The following RUFY4 variants were observed in gnomAD, a reference collection of about 807,000 sequenced individuals.
The protein encoded by RUFY4 is RUN and FYVE domain containing 4, also known as RUN and FYVE domain-containing protein 4.
Under a neutral mutation model 69.0 loss-of-function variants are expected in RUFY4, and 73 were observed. The observed-to-expected ratio is 1.06, with a 90% confidence interval of 0.88 to 1.29. RUFY4 has a LOEUF of 1.29. Among genes scored for constraint, RUFY4 ranks in the 50% most tolerant of loss-of-function variants. The probability of loss-of-function intolerance (pLI) is 0.00; values close to 1 mark genes in which losing one functional copy is unlikely to be tolerated. For missense variants in RUFY4, 770 were observed against 705.6 expected, an observed-to-expected ratio of 1.09 and a Z score of -1.03; for synonymous variants, 287 against 271.8, an observed-to-expected ratio of 1.06 and a Z score of -0.55.
chr2:218,089,714 A>C lies in RUFY4; in HGVS notation c.1614-238A>C, dbSNP rs1265779261. 7.1e-6 allele frequency: 5 copies of C among 703,610 alleles called. No homozygotes were observed. The African/African-American group carries it at 8.7e-5, about 12-fold the overall frequency. 43.6% of individuals were successfully genotyped at this position (703,610 alleles called of 1,614,324 possible). ...CTAGGACCAGCCTTGGGAGAGAGGA[A>C]AGTGAGCCACCAGGAGAAGCTGCCA... is the stretch of plus-strand genomic sequence containing the variant. On this transcript the variant is annotated intron_variant, in intron 10 of 10. Coordinates refer to ENST00000344321, the Ensembl canonical transcript of RUFY4.
intron 6 of RUFY4, among the ~76,000 whole-genome samples, chr2:218,074,747 A>G (rs1434572778): frequency 2.0e-5 from 3 of 152,110 alleles, no homozygotes; most frequent in African/African-American, 7.2e-5. Context: ...AAACTGAAAC[A>G]TGACATGTAG....
intron 2 of RUFY4, among the ~76,000 whole-genome samples, chr2:218,037,759 G>A (rs1418228755): frequency 6.6e-6 from 1 of 152,164 alleles, no homozygotes; most frequent in Non-Finnish European, 1.5e-5. Flanking sequence ...CTGTTATAAA[G>A]AGAACCGATT....
intron 9 of RUFY4, among the ~76,000 whole-genome samples, chr2:218,083,727 G>A (rs1431306688): frequency 4.0e-5 from 6 of 151,144 alleles, no homozygotes; most frequent in African/African-American, 7.3e-5. Context: ...CAGCCTGGGC[G>A]ACAGAGTGAG....
At chr2:218,073,919 C>T (rs1689558736) in intron 6 of RUFY4, 34 bp downstream of exon 8, 2 of 1,604,056 alleles carry the variant, frequency 1.2e-6, no homozygotes, top group East Asian at 2.2e-5. Context: ...TGAGTTGCCT[C>T]TTCCCCATCT....
chr2:218,078,744 C>T (rs533987234), intron 8 of RUFY4, among the ~76,000 whole-genome samples: 3 of 152,198 alleles, frequency 2.0e-5, no homozygotes, highest in African/African-American at 7.2e-5. Flanking sequence ...AAAGAGAAAC[C>T]CTGTACCCAT....
At chr2:218,081,020 C>A (rs145098356) in intron 8 of RUFY4, among the ~76,000 whole-genome samples, 2,188 of 152,266 alleles carry the variant, frequency 0.014, 18 homozygotes, top group South Asian at 0.047. Flanking sequence ...ATGAATGGGG[C>A]TATAAAACAC....
At chr2:218,071,345 C>A (rs1158454648) in intron 2 of RUFY4, among the ~76,000 whole-genome samples, 1 of 152,168 alleles carries the variant, frequency 6.6e-6, no homozygotes, top group Non-Finnish European at 1.5e-5. Flanking sequence ...GCCACCCTGC[C>A]ACTCATCTAC....
At chr2:218,062,499 G>C (rs993384256) in intron 3 of RUFY4, among the ~76,000 whole-genome samples, 1 of 151,742 alleles carries the variant, frequency 6.6e-6, no homozygotes, top group African/African-American at 2.4e-5. Flanking sequence ...GATTGCCTGA[G>C]CAGGAGTTCG....
exon 1 of RUFY4, chr2:218,070,610 C>T (rs1689463354): frequency 7.2e-6 from 11 of 1,537,534 alleles, no homozygotes; most frequent in Admixed American, 5.9e-5. Context: ...GTACCCATGG[C>T]AGAAGAGGGA....
At chr2:218,067,137 G>A (rs921271909), upstream of RUFY4, among the ~76,000 whole-genome samples, 19 of 152,294 alleles carry the variant, frequency 1.2e-4, no homozygotes, top group South Asian at 2.1e-4. Context: ...CTCCGCATCC[G>A]GTCCTTTCTC....
chr2:218,072,962 C>A, intron 4 of RUFY4, 77 bp downstream of exon 6: 1 of 1,197,056 alleles, frequency 8.4e-7, no homozygotes, highest in Non-Finnish European at 1.1e-6. Flanking sequence ...CCTCCTTTAA[C>A]CCCCACAGAT....
intron 3 of RUFY4, among the ~76,000 whole-genome samples, chr2:218,062,317 A>G (rs1396665287): frequency 6.6e-6 from 1 of 150,968 alleles, no homozygotes; most frequent in African/African-American, 2.4e-5. Flanking sequence ...GAGACAGGAG[A>G]ATGGCGTGAA....
rs559242405 is a variant in RUFY4 at position 218,089,155 on chromosome 2, G to A, written c.1503-97G>A. On this transcript the variant is annotated intron_variant, in intron 9 of 10. Coordinates refer to ENST00000344321, the Ensembl canonical transcript of RUFY4. ...TCTCTCTTCCTCTCTGTGTGATTCC[G>A]TCTGTTCCTCTCTGTCTCTCTGTCT... The A allele has an allele frequency of 4.1e-5, 37 of 903,324 alleles. No individual in the cohort carries two copies. The African/African-American group carries it at 4.2e-4, about 10-fold the overall frequency. The allele number at this position is 903,324 out of a possible 1,614,324, so 56.0% of individuals were successfully genotyped here. A position where few individuals can be genotyped will look rare whatever the true frequency, so the allele number is the denominator to read the frequency against.
At chr2:218,068,110 C>T (rs1383292879), upstream of RUFY4, among the ~76,000 whole-genome samples, 1 of 122,406 alleles carries the variant, frequency 8.2e-6, no homozygotes. Context: ...TGGAGGACAG[C>T]AGGGGACTGG....
chr2:218,036,144 A>G (rs1287022583), intron 2 of RUFY4, among the ~76,000 whole-genome samples: 1 of 152,218 alleles, frequency 6.6e-6, no homozygotes, highest in African/African-American at 2.4e-5. Context: ...TTATGTGGGG[A>G]TTGAATGGGA....
exon 5 of RUFY4, chr2:218,073,313 G>A: frequency 6.4e-7 from 1 of 1,567,358 alleles, no homozygotes; most frequent in Non-Finnish European, 8.7e-7. Flanking sequence ...CTCTCTCTAT[G>A]CTCTCAATGG....
chr2:218,083,305 G>A (rs1446565661), intron 9 of RUFY4, 49 bp downstream of exon 11: 1 of 1,529,614 alleles, frequency 6.5e-7, no homozygotes, highest in Admixed American at 2.1e-5. Context: ...GGAACGGTAA[G>A]GGATGTGGAG....
intron 2 of RUFY4, among the ~76,000 whole-genome samples, chr2:218,042,375 T>G (rs1688714454): frequency 6.6e-6 from 1 of 152,240 alleles, no homozygotes; most frequent in Non-Finnish European, 1.5e-5. Flanking sequence ...TGAGCCTAAG[T>G]TTTTCTTGTT....
In RUFY4 at chr2:218,083,255, C is replaced by T; in HGVS notation, c.1501C>T (p.Gln501Ter). The stretch of plus-strand genomic sequence containing the variant: ...GAAGAGGCGGGTGTTGGAACTGATC[C>T]AGTAAGGACGGGGACAGTGGGAAAG... The change falls in exon 9 of 11, where the codon CAA (glutamine) becomes TAA (stop). Residue 501 changes from glutamine (Q) to a stop codon, truncating the protein, a stop_gained and splice_region_variant. Transcript: ENST00000344321. LOFTEE classifies it high-confidence loss of function. 1 of 1,598,292 alleles carries T rather than the reference C, an allele frequency of 6.3e-7. No homozygotes were observed. The highest frequency in any genetic ancestry group is 8.5e-7 in the Non-Finnish European group (1 of 1,169,590).
Sources: gnomAD v4.1 joint callset for allele counts (sites outside exome capture counted in the v4.1 genomes callset) on GRCh38, gnomAD v4.1.1 for gene constraint, MANE v1.5 for transcripts, NCBI Gene and HGNC (gene_info 2026-07-23, HGNC 2026-07-21) for gene names.